BTN3A1: variants seen among roughly 807,000 people sequenced by gnomAD.
BTN3A1 encodes butyrophilin subfamily 3 member A1.
BTN3A1 carries 24 observed loss-of-function variants against 43.0 expected under a neutral mutation model. That is an observed-to-expected ratio of 0.56 (90% CI 0.40 to 0.78). The LOEUF is 0.78. BTN3A1 is among the 30% of genes least tolerant of loss of function. BTN3A1 has a pLI of 0.00. For missense variants in BTN3A1, 533 were observed against 626.2 expected, an observed-to-expected ratio of 0.85 and a Z score of 1.59; for synonymous variants, 181 against 234.7, an observed-to-expected ratio of 0.77 and a Z score of 2.09.
Position 26,409,609 on chromosome 6 carries a change from G to C in BTN3A1, c.792G>C (p.Gly264=). ...GTLPVLLLLL[G]GAGYFLWQQQ... ...TGCCTGTCTTGCTGCTGCTTCTTGG[G>C]GGAGCCGGTTACTTCCTGTGGCAAC... is the stretch of plus-strand genomic sequence containing the variant. Residue 264 remains glycine (G), a synonymous_variant, in exon 5 of 10, where the codon GGG becomes GGC. Transcript: ENST00000289361. 6.2e-7 allele frequency: 1 copy of C among 1,612,464 alleles called. No individual in the cohort carries two copies. The highest frequency in any genetic ancestry group is 2.2e-5 in the East Asian group (1 of 44,860).
At position 26,405,895 on chromosome 6, in the gene BTN3A1, C is replaced by T. The variant is rs371237088; in HGVS notation, c.86-14C>T. 2.5e-6 allele frequency: 4 copies of T among 1,613,632 alleles called. No homozygotes were observed. The highest frequency in any genetic ancestry group is 1.3e-5 in the African/African-American group (1 of 74,906). ...CCAAAACCCTCTGACAGATCCTCCC[C>T]CTTGTGCCTACAGCTCAGTTTTCTG... On this transcript the variant is annotated splice_polypyrimidine_tract_variant and intron_variant, in intron 2 of 9. Coordinates refer to ENST00000289361, the MANE Select transcript of BTN3A1 (RefSeq NM_007048.6).
Position 26,413,646 on chromosome 6 carries a change from G to T in BTN3A1, c.1496G>T (p.Arg499Ile). Reference protein sequence around the residue: ...SFSEALYPVFRILTLEPTALT... With the variant: ...SFSEALYPVFIILTLEPTALT... Reference sequence around the variant, plus strand: ...TCTGAGGCTCTATATCCTGTTTTCAGAATTTTGACCTTGGAGCCCACGGCC... The same window carrying T: ...TCTGAGGCTCTATATCCTGTTTTCATAATTTTGACCTTGGAGCCCACGGCC... Residue 499 changes from arginine to isoleucine, a missense_variant, in exon 10 of 10, where the codon AGA (arginine) becomes ATA (isoleucine). Arg to Ile is a moderately conservative substitution (Grantham distance 97). Coordinates refer to ENST00000289361, the MANE Select transcript of BTN3A1 (RefSeq NM_007048.6). The T allele has an allele frequency of 6.2e-7, 1 of 1,613,880 alleles. No homozygotes were observed. The highest frequency in any genetic ancestry group is 8.5e-7 in the Non-Finnish European group (1 of 1,179,946).
Position 26,405,983 on chromosome 6 carries a change from C to T in BTN3A1, c.160C>T (p.Leu54=). 2 of 1,607,904 alleles carry T rather than the reference C, an allele frequency of 1.2e-6. No homozygotes were observed. Among genetic ancestry groups the T allele is most frequent in the Non-Finnish European group, 1.7e-6 (2 of 1,177,662 alleles). The change falls in exon 3 of 10, where the codon CTG becomes TTG. Residue 54 remains leucine, a synonymous_variant. Transcript: ENST00000289361. ...TGAAGACGCTGATCTGCCCTGTCACCTGTTCCCGACCATGAGTGCAGAGAC... is the reference window on the plus strand; with the variant it reads ...TGAAGACGCTGATCTGCCCTGTCACTTGTTCCCGACCATGAGTGCAGAGAC... ...VGEDADLPCH[L]FPTMSAETME... is the part of the protein sequence containing the mutation.
rs766452647 is a variant in BTN3A1 at position 26,413,333 on chromosome 6, C to T, written c.1183C>T (p.His395Tyr). The change falls in exon 10 of 10, where the codon CAT becomes TAT. Residue 395 changes from histidine to tyrosine, a missense_variant. By Grantham distance (83) the His-to-Tyr change is moderately conservative. Transcript: ENST00000289361. ...CTGTGAGAGCTTCATATCAGGGAGA[C>T]ATTACTGGGAGGTGGAGGTAGGGGA... ...LGCESFISGRHYWEVEVGDRK... is the reference protein window; with the variant it reads ...LGCESFISGRYYWEVEVGDRK... 3 of 1,613,952 alleles carry T rather than the reference C, an allele frequency of 1.9e-6. No individual in the cohort carries two copies. Among genetic ancestry groups the T allele is most frequent in the Admixed American group, 3.3e-5 (2 of 59,996 alleles).
At position 26,412,447 on chromosome 6, in the gene BTN3A1, G is replaced by A. The variant is rs1001901395; in HGVS notation, c.1019-722G>A. On this transcript the variant is annotated intron_variant, in intron 9 of 9. Coordinates refer to ENST00000289361, the MANE Select transcript of BTN3A1 (RefSeq NM_007048.6). ...TGGCCAAACCCAACAGCAAACCAGA[G>A]GACAAGGGAGCCCAGTGGCACTGTC... The A allele has an allele frequency of 3.5e-6, 5 of 1,428,984 alleles. No individual in the cohort carries two copies. In the African/African-American group the frequency reaches 4.3e-5, roughly 12 times the overall value. 88.5% of individuals were successfully genotyped at this position (1,428,984 alleles called of 1,614,324 possible).
Position 26,413,612 on chromosome 6 carries a change from G to A in BTN3A1, c.1462G>A (p.Val488Ile), listed in dbSNP as rs144592497. The change falls in exon 10 of 10, where the codon GTC (valine) becomes ATC (isoleucine). Residue 488 changes from valine to isoleucine, a missense_variant. This residue lies in a region of BTN3A1 where 415 missense variants were observed against 427.0 expected (regional missense o/e 0.97). Transcript: ENST00000289361. Reference sequence around the variant, plus strand: ...ATCGCATATTCATACTTTCCTGGACGTCTCCTTCTCTGAGGCTCTATATCC... The same window carrying A: ...ATCGCATATTCATACTTTCCTGGACATCTCCTTCTCTGAGGCTCTATATCC... ...DGSHIHTFLD[V>I]SFSEALYPVF... The A allele has an allele frequency of 1.4e-4, 233 of 1,613,990 alleles. No homozygotes were observed. The highest frequency in any genetic ancestry group is 2.7e-4 in the East Asian group (12 of 44,890).
At position 26,405,894 on chromosome 6, in the gene BTN3A1, C is replaced by G; in HGVS notation, c.86-15C>G. The G allele has an allele frequency of 6.2e-7, 1 of 1,613,752 alleles. No homozygotes were observed. Among genetic ancestry groups the G allele is most frequent in the East Asian group, 2.2e-5 (1 of 44,882 alleles). ...TCCAAAACCCTCTGACAGATCCTCC[C>G]CCTTGTGCCTACAGCTCAGTTTTCT... On this transcript the variant is annotated splice_polypyrimidine_tract_variant and intron_variant, in intron 2 of 9. Transcript: ENST00000289361.
intron 1 of BTN3A1, among the ~76,000 whole-genome samples, chr6:26,403,877 A>T (rs182977782): frequency 1.1e-3 from 167 of 152,300 alleles, no homozygotes; most frequent in African/African-American, 3.3e-3. Flanking sequence ...CAGGAAAAAA[A>T]ATATATCCTT....
chr6:26,405,345 G>A, intron 1 of BTN3A1, 27 bp from the exon 2 acceptor site: 1 of 599,998 alleles, frequency 1.7e-6, no homozygotes, highest in South Asian at 2.0e-5. Flanking sequence ...TAACAGATGT[G>A]CATTTCACAT....
chr6:26,411,169 G>A (rs759865325), intron 8 of BTN3A1, 34 bp downstream of exon 8: 3 of 1,604,016 alleles, frequency 1.9e-6, no homozygotes, highest in Admixed American at 3.5e-5. Context: ...AGTTTGCTGG[G>A]ACACGTGCCA....
chr6:26,404,112 T>C (rs928728972), intron 1 of BTN3A1: 1 of 152,088 alleles, frequency 6.6e-6, no homozygotes, highest in Admixed American at 6.6e-5. Flanking sequence ...TTCCTTTACA[T>C]CCCTCCCCAC....
At chr6:26,410,111 C>T (rs1581630167) in intron 7 of BTN3A1, 79 bp downstream of exon 7, 1 of 1,583,234 alleles carries the variant, frequency 6.3e-7, no homozygotes, top group Non-Finnish European at 8.7e-7. Context: ...TAACTCTTTC[C>T]CCAAGGTTGG....
At position 26,411,105 on chromosome 6, in the gene BTN3A1, G is replaced by T. The variant is rs1159502298; in HGVS notation, c.965-4G>T. 2 of 1,595,560 alleles carry T rather than the reference G, an allele frequency of 1.3e-6. No individual in the cohort carries two copies. The highest frequency in any genetic ancestry group is 1.1e-5 in the South Asian group (1 of 88,882). ...GTGACATCTCTATCTTTTTTTCATTGTAGGGGGAGAGAGACATTCAGCCTA... is the reference window on the plus strand; with the variant it reads ...GTGACATCTCTATCTTTTTTTCATTTTAGGGGGAGAGAGACATTCAGCCTA... On this transcript the variant is annotated splice_polypyrimidine_tract_variant and splice_region_variant and intron_variant, in intron 7 of 9. Transcript: ENST00000289361.
intron 1 of BTN3A1, among the ~76,000 whole-genome samples, 169 bp downstream of exon 1, chr6:26,402,581 T>C (rs984472074): frequency 6.6e-6 from 1 of 152,140 alleles, no homozygotes; most frequent in African/African-American, 2.4e-5. Context: ...AGGGGAGAAG[T>C]AGTGCAAAGA....
chr6:26,411,087 CTCTA>C lies in BTN3A1; in HGVS notation c.965-18_965-15del, dbSNP rs999842357. On this transcript the variant is annotated intron_variant, in intron 7 of 9. Coordinates refer to ENST00000289361, the MANE Select transcript of BTN3A1 (RefSeq NM_007048.6). ...CAAAAATGGCAAGTTCAGGTGACAT[CTCTA>C]TCTTTTTTTCATTGTAGGGGGAGAG... 2 of 1,589,934 alleles carry C rather than the reference CTCTA, an allele frequency of 1.3e-6. No homozygotes were observed. The highest frequency in any genetic ancestry group is 2.3e-5 in the East Asian group (1 of 43,712).
intron 1 of BTN3A1, chr6:26,404,632 G>A (rs1288680815): frequency 6.6e-6 from 1 of 152,144 alleles, no homozygotes; most frequent in African/African-American, 2.4e-5. Flanking sequence ...CCTGATGGGT[G>A]GCTGGTTCAG....
At chr6:26,411,914 G>A (rs1400886901) in intron 9 of BTN3A1, 3 of 272,056 alleles carry the variant, frequency 1.1e-5, no homozygotes, top group African/African-American at 2.2e-5. Context: ...AGGAAAGGAG[G>A]CGATGCCTGC....
chr6:26,413,758 C>T lies in BTN3A1; in HGVS notation c.*66C>T. ...TCATTCCCTAGAGACACCAGTAACC[C>T]CGGGCTTAGCTAACGAAAGTGGGGA... On this transcript the variant is annotated 3_prime_UTR_variant, in exon 10 of 10. Coordinates refer to ENST00000289361, the MANE Select transcript of BTN3A1 (RefSeq NM_007048.6). 1 of 1,604,748 alleles carries T rather than the reference C, an allele frequency of 6.2e-7. No homozygotes were observed. The highest frequency in any genetic ancestry group is 8.5e-7 in the Non-Finnish European group (1 of 1,179,862).
intron 7 of BTN3A1, 35 bp downstream of exon 7, chr6:26,410,067 C>G: frequency 6.2e-7 from 1 of 1,611,334 alleles, no homozygotes. Flanking sequence ...GAATTTGAAT[C>G]TATAACTGTC....
Sources: allele counts gnomAD v4.1 joint callset (sites outside exome capture counted in the v4.1 genomes callset), GRCh38; gene constraint gnomAD v4.1.1; regional missense constraint gnomAD v4.1.1; transcripts MANE v1.5; gene names NCBI Gene and HGNC (gene_info 2026-07-23, HGNC 2026-07-21).